The following LRMDA variants were observed in gnomAD, a reference collection of about 807,000 sequenced individuals.
LRMDA encodes the protein leucine rich melanocyte differentiation associated.
LRMDA carries 18 observed loss-of-function variants against 29.8 expected under a neutral mutation model. That is an observed-to-expected ratio of 0.60 (90% CI 0.42 to 0.90). The LOEUF (loss-of-function observed/expected upper bound fraction) is 0.90, where lower values mean the gene tolerates loss of function less well. Ranked by LOEUF, LRMDA falls within the 40% of genes least tolerant of loss-of-function variation. LRMDA has a pLI of 0.00. For missense variants in LRMDA, 273 were observed against 273.9 expected, an observed-to-expected ratio of 1.00 and a Z score of 0.02; for synonymous variants, 125 against 109.4, an observed-to-expected ratio of 1.14 and a Z score of -0.89.
At chr10:76,184,189 T>C (rs10824382) in intron 5 of LRMDA, among the ~76,000 whole-genome samples, 59,232 of 151,776 alleles carry the variant, frequency 0.39, 14,234 homozygotes, top group East Asian at 0.76. Context: ...CACCACCACA[T>C]CTGGCTAATT....
At chr10:75,721,168 G>A (rs1043858482) in intron 2 of LRMDA, among the ~76,000 whole-genome samples, 8 of 152,056 alleles carry the variant, frequency 5.3e-5, no homozygotes, top group African/African-American at 1.9e-4. Context: ...ATTAGCCTTT[G>A]GACCAAACAG....
chr10:76,018,366 T>C (rs545969575), intron 2 of LRMDA, among the ~76,000 whole-genome samples: 1 of 152,278 alleles, frequency 6.6e-6, no homozygotes, highest in South Asian at 2.1e-4. Flanking sequence ...CAGAAGTCCC[T>C]TGGGGAACAA....
intron 5 of LRMDA, among the ~76,000 whole-genome samples, chr10:76,107,634 T>A (rs895289620): frequency 1.3e-5 from 2 of 152,218 alleles, no homozygotes; most frequent in Admixed American, 1.3e-4. Flanking sequence ...CTGTTAACAC[T>A]GTTTCCTCCC....
intron 5 of LRMDA, among the ~76,000 whole-genome samples, chr10:76,238,622 C>G (rs1489236775): frequency 2.0e-5 from 3 of 152,072 alleles, no homozygotes; most frequent in Non-Finnish European, 4.4e-5. Context: ...TTTGAGCTGA[C>G]TTTCCTAACG....
At chr10:76,199,457 A>T (rs1851389079) in intron 5 of LRMDA, among the ~76,000 whole-genome samples, 1 of 152,154 alleles carries the variant, frequency 6.6e-6, no homozygotes, top group South Asian at 2.1e-4. Context: ...TAGGGATAAT[A>T]CTGAAGTGTC....
At chr10:76,036,835 G>T (rs1199650040) in intron 3 of LRMDA, among the ~76,000 whole-genome samples, 1 of 152,148 alleles carries the variant, frequency 6.6e-6, no homozygotes, top group Non-Finnish European at 1.5e-5. Context: ...GCAACCTAAG[G>T]CCCGTAGCTC....
At chr10:75,708,745 C>T (rs1047793298) in intron 2 of LRMDA, among the ~76,000 whole-genome samples, 8 of 152,146 alleles carry the variant, frequency 5.3e-5, no homozygotes, top group African/African-American at 1.9e-4. Flanking sequence ...AAAGGAACAT[C>T]CTGCAACTTT....
intron 2 of LRMDA, among the ~76,000 whole-genome samples, chr10:75,853,483 G>C (rs1210067313): frequency 6.6e-6 from 1 of 150,680 alleles, no homozygotes; most frequent in African/African-American, 2.4e-5. Flanking sequence ...TGCACACACA[G>C]TCATCTGCAC....
intron 5 of LRMDA, among the ~76,000 whole-genome samples, chr10:76,238,292 C>T (rs78938467): frequency 0.077 from 11,733 of 152,104 alleles, 509 homozygotes; most frequent in Middle Eastern, 0.11. Context: ...AGCCTAATGA[C>T]GCAGGCAATT....
chr10:75,873,098 G>T (rs1359244802), intron 2 of LRMDA, among the ~76,000 whole-genome samples: 1 of 151,958 alleles, frequency 6.6e-6, no homozygotes, highest in African/African-American at 2.4e-5. Flanking sequence ...GTTTCATTTT[G>T]GTAATGGAAG....
chr10:75,944,195 GA>G, intron 2 of LRMDA, among the ~76,000 whole-genome samples: 1 of 152,188 alleles, frequency 6.6e-6, no homozygotes, highest in Non-Finnish European at 1.5e-5. Flanking sequence ...ATTCTGACTT[GA>G]TTTTTGTTGT....
At chr10:75,986,008 T>C (rs140429419) in intron 2 of LRMDA, among the ~76,000 whole-genome samples, 168 of 152,350 alleles carry the variant, frequency 1.1e-3, no homozygotes, top group African/African-American at 3.8e-3. Context: ...CTAGACAGCA[T>C]TTTAAATTCA....
chr10:75,692,650 A>G (rs185713935), intron 2 of LRMDA, among the ~76,000 whole-genome samples: 30 of 150,992 alleles, frequency 2.0e-4, no homozygotes, highest in African/African-American at 6.6e-4. Context: ...AATCTTGCCT[A>G]TTCCACCAAA....
At chr10:76,135,657 G>A (rs181458982) in intron 5 of LRMDA, among the ~76,000 whole-genome samples, 1 of 152,216 alleles carries the variant, frequency 6.6e-6, no homozygotes, top group African/African-American at 2.4e-5. Context: ...TTCCATTCCT[G>A]TCTCCTAGCT....
chr10:75,449,309 A>G (rs1413714378), intron 2 of LRMDA, among the ~76,000 whole-genome samples: 1 of 152,186 alleles, frequency 6.6e-6, no homozygotes. Context: ...CATTTCACAG[A>G]TGAAGCAACT....
chr10:76,064,613 G>A (rs769476462), intron 5 of LRMDA, among the ~76,000 whole-genome samples: 6 of 152,216 alleles, frequency 3.9e-5, no homozygotes, highest in Admixed American at 2.0e-4. Context: ...ACTACACTGC[G>A]TATGTCTTTG....
chr10:76,527,480 A>G (rs1435079568), intron 6 of LRMDA, among the ~76,000 whole-genome samples: 2 of 152,166 alleles, frequency 1.3e-5, no homozygotes, highest in African/African-American at 4.8e-5. Context: ...GATATCTCCT[A>G]AAACACTGAC....
At chr10:76,025,326 T>G (rs1286876595) in intron 2 of LRMDA, among the ~76,000 whole-genome samples, 1 of 148,272 alleles carries the variant, frequency 6.7e-6, no homozygotes, top group Non-Finnish European at 1.5e-5. Context: ...GTCTCTGTCC[T>G]TAGGGACTTG....
chr10:75,539,410 G>A (rs1474400739), intron 2 of LRMDA, among the ~76,000 whole-genome samples: 2 of 152,172 alleles, frequency 1.3e-5, no homozygotes, highest in African/African-American at 4.8e-5. Context: ...ATTACATGAG[G>A]AACTCCCTCT....
Sources: allele counts gnomAD v4.1 joint callset (sites outside exome capture counted in the v4.1 genomes callset), GRCh38; gene constraint gnomAD v4.1.1; transcripts MANE v1.5; gene names NCBI Gene and HGNC (gene_info 2026-07-23, HGNC 2026-07-21).